The following FGR variants were observed in gnomAD, a reference collection of about 807,000 sequenced individuals.
The protein encoded by FGR is FGR proto-oncogene, Src family tyrosine kinase, also known as tyrosine-protein kinase Fgr.
Under a neutral mutation model 63.2 loss-of-function variants are expected in FGR, and 26 were observed. The ratio of observed to expected loss-of-function variants is 0.41; its 90% CI spans 0.30 to 0.57. The LOEUF is 0.57. Among genes scored for constraint, FGR ranks in the 20% least tolerant of loss-of-function variants. FGR has a pLI of 0.27. For synonymous variants in FGR, 286 were observed against 277.7 expected, an observed-to-expected ratio of 1.03 and a Z score of -0.30; for missense variants, 511 against 690.8, an observed-to-expected ratio of 0.74 and a Z score of 2.92.
chr1:27,614,394 T>G (rs1217252715), intron 11 of FGR, 36 bp downstream of exon 11: 1 of 1,598,938 alleles, frequency 6.3e-7, no homozygotes, highest in Non-Finnish European at 8.5e-7. Context: ...CCTTGTTGCA[T>G]GGGGAGCTCT....
intron 1 of FGR, among the ~76,000 whole-genome samples, chr1:27,630,564 G>A (rs1029793831): frequency 6.7e-6 from 1 of 148,698 alleles, no homozygotes; most frequent in South Asian, 2.1e-4. Context: ...GGCGCAGGTG[G>A]GGGGAGGGAG....
intron 1 of FGR, among the ~76,000 whole-genome samples, chr1:27,630,572 G>A (rs2090092008): frequency 1.4e-5 from 2 of 146,716 alleles, no homozygotes; most frequent in Admixed American, 6.6e-5. Flanking sequence ...TGGGGGGAGG[G>A]AGGGGCGCAG....
Position 27,617,166 on chromosome 1 carries a change from C to A in FGR, c.532+27G>T. On this transcript the variant is annotated intron_variant, in intron 6 of 12. Coordinates refer to ENST00000374005, the MANE Select transcript of FGR (RefSeq NM_005248.3). The surrounding 1 kb of genome is among the most constrained non-coding windows in gnomAD (Gnocchi z 4.5). ...TACCCCAATGGCTGGGCCTCCCAGTCGCCTTGGGGCGTGGCACCACCCCTA... is the reference window on the plus strand; with the variant it reads ...TACCCCAATGGCTGGGCCTCCCAGTAGCCTTGGGGCGTGGCACCACCCCTA... The A allele has an allele frequency of 6.2e-7, 1 of 1,607,284 alleles. No homozygotes were observed. Among genetic ancestry groups the A allele is most frequent in the South Asian group, 1.1e-5 (1 of 90,924 alleles).
Position 27,615,964 on chromosome 1 carries a change from G to T in FGR, c.683-120C>A. 8.8e-7 allele frequency: 1 copy of T among 1,140,640 alleles called. No homozygotes were observed. Among genetic ancestry groups the T allele is most frequent in the Non-Finnish European group, 1.2e-6 (1 of 829,832 alleles). The allele number at this position is 1,140,640 out of a possible 1,614,324, so 70.7% of individuals were successfully genotyped here. A position where few individuals can be genotyped will look rare whatever the true frequency, so the allele number is the denominator to read the frequency against. On this transcript the variant is annotated intron_variant, in intron 7 of 12. Transcript: ENST00000374005. The surrounding 1 kb of genome is among the most constrained non-coding windows in gnomAD (Gnocchi z 7.6). ...AGTTATAAGGAACTAGGCCCCAAGT[G>T]AGGTCACAGGCCAGGAAGAAAGGCA...
At chr1:27,620,238 A>G (rs1050598918) in intron 5 of FGR, among the ~76,000 whole-genome samples, 5 of 151,816 alleles carry the variant, frequency 3.3e-5, no homozygotes, top group Non-Finnish European at 7.4e-5. Context: ...AATTGCTTGA[A>G]CTCAGGAGGT....
intron 10 of FGR, 90 bp from the exon 11 acceptor site, chr1:27,614,673 C>T (rs1229242164): frequency 8.0e-6 from 12 of 1,494,412 alleles, no homozygotes; most frequent in Non-Finnish European, 8.2e-6. Flanking sequence ...TTGAAAAACC[C>T]ACTTTCCAGA....
chr1:27,634,777 G>T (rs2090155379), intron 1 of FGR, among the ~76,000 whole-genome samples: 1 of 149,326 alleles, frequency 6.7e-6, no homozygotes, highest in Non-Finnish European at 1.5e-5. Context: ...ACTCTTATCA[G>T]TCCCCTCCAT....
At chr1:27,618,076 A>G (rs2089847248) in intron 5 of FGR, among the ~76,000 whole-genome samples, 2 of 152,086 alleles carry the variant, frequency 1.3e-5, no homozygotes, top group African/African-American at 4.8e-5. Context: ...GTGTTTTCAA[A>G]CCAAGGGTGG....
chr1:27,629,499 A>AAG (rs59893915), intron 1 of FGR, among the ~76,000 whole-genome samples: 2,888 of 151,388 alleles, frequency 0.019, 90 homozygotes, highest in African/African-American at 0.066. Context: ...GATGAAGAGA[A>AAG]AGAGAGAGAG....
intron 1 of FGR, among the ~76,000 whole-genome samples, chr1:27,633,208 C>T (rs2090131283): frequency 1.3e-5 from 2 of 152,168 alleles, no homozygotes; most frequent in Admixed American, 1.3e-4. Flanking sequence ...AGGATTCAGG[C>T]CTCAGCTCAG....
chr1:27,626,398 C>A, intron 1 of FGR: 1 of 393,682 alleles, frequency 2.5e-6, no homozygotes. Flanking sequence ...GTCCAGTCAT[C>A]CTTACAGATA....
intron 1 of FGR, among the ~76,000 whole-genome samples, chr1:27,634,824 G>A (rs551553018): frequency 6.6e-6 from 1 of 151,634 alleles, no homozygotes; most frequent in Non-Finnish European, 1.5e-5. Flanking sequence ...CCCTTTGGTC[G>A]GCTTCCCCCG....
chr1:27,623,576 G>C, intron 3 of FGR, 115 bp downstream of exon 3: 1 of 1,024,836 alleles, frequency 9.8e-7, no homozygotes, highest in Non-Finnish European at 1.5e-6. Context: ...TTGAAAGCGG[G>C]GTTGTATCTG....
intron 4 of FGR, among the ~76,000 whole-genome samples, chr1:27,622,598 CG>C (rs1557734632): frequency 6.6e-6 from 1 of 152,024 alleles, no homozygotes; most frequent in Non-Finnish European, 1.5e-5. Context: ...CTCTGCCTCC[CG>C]GGTTCAAGTG....
At position 27,613,027 on chromosome 1, in the gene FGR, G is replaced by A; in HGVS notation, c.1477C>T (p.Gln493Ter). The A allele has an allele frequency of 6.2e-7, 1 of 1,614,232 alleles. No individual in the cohort carries two copies. The highest frequency in any genetic ancestry group is 8.5e-7 in the Non-Finnish European group (1 of 1,180,024). Residue 493 changes from glutamine to a stop codon, truncating the protein, a stop_gained, in exon 13 of 13, where the codon CAG (glutamine) becomes TAG (stop). Coordinates refer to ENST00000374005, the MANE Select transcript of FGR (RefSeq NM_005248.3). LOFTEE classifies it high-confidence loss of function. ...TCCTCCGGGTCCAGACGCCAGGTCT[G>A]TTCCATGGCCTCGTACAGGGATGCT... ...CPASLYEAME[Q>*]TWRLDPEERP...
At chr1:27,633,311 A>G (rs868650332) in intron 1 of FGR, among the ~76,000 whole-genome samples, 1 of 152,218 alleles carries the variant, frequency 6.6e-6, no homozygotes. Context: ...CCATCTGTGA[A>G]GTGGGAACAG....
chr1:27,612,647 T>A lies in FGR; in HGVS notation c.*267A>T. 1 of 434,286 alleles carries A rather than the reference T, an allele frequency of 2.3e-6. No individual in the cohort carries two copies. The highest frequency in any genetic ancestry group is 4.2e-6 in the Non-Finnish European group (1 of 239,374). The allele number at this position is 434,286 out of a possible 1,614,324, so 26.9% of individuals were successfully genotyped here. A position where few individuals can be genotyped will look rare whatever the true frequency, so the allele number is the denominator to read the frequency against. On this transcript the variant is annotated 3_prime_UTR_variant, in exon 13 of 13. Coordinates refer to ENST00000374005, the MANE Select transcript of FGR (RefSeq NM_005248.3). ...CTGAGCACTTTGGGTGGGGATGGAG[T>A]GAGAAAGGCTACAGGCATGTAGGGG...
At chr1:27,626,873 A>G (rs1357000822) in intron 1 of FGR, among the ~76,000 whole-genome samples, 2 of 152,094 alleles carry the variant, frequency 1.3e-5, no homozygotes, top group Non-Finnish European at 2.9e-5. Flanking sequence ...GCTGATACAA[A>G]AACAAGGGTG....
In FGR at chr1:27,614,562, T is replaced by C. The variant is rs759595392; in HGVS notation, c.1117A>G (p.Met373Val). 11 of 1,614,022 alleles carry C rather than the reference T, an allele frequency of 6.8e-6. No homozygotes were observed. The highest frequency in any genetic ancestry group is 7.6e-6 in the Non-Finnish European group (9 of 1,179,954). Residue 373 changes from methionine (M) to valine (V), a missense_variant, in exon 11 of 13, where the codon ATG (methionine) becomes GTG (valine). Met to Val is a conservative substitution (Grantham distance 21). Transcript: ENST00000374005. ...CGGTGAATGTAGTTCATGCGTTCCA[T>C]GTAGGCCATGCCCTCAGCTACCTGG... ...AAQVAEGMAY[M>V]ERMNYIHRDL...
Sources: gnomAD v4.1 joint callset for allele counts (sites outside exome capture counted in the v4.1 genomes callset) on GRCh38, gnomAD v4.1.1 for gene constraint, Gnocchi (gnomAD v3.1) non-coding constraint, MANE v1.5 for transcripts, NCBI Gene and HGNC (gene_info 2026-07-23, HGNC 2026-07-21) for gene names.